The following ACTG2 variants were observed in gnomAD, a reference collection of about 807,000 sequenced individuals.
The protein encoded by ACTG2 is actin gamma 2, smooth muscle.
Under a neutral mutation model 37.6 loss-of-function variants are expected in ACTG2, and 16 were observed. The observed-to-expected ratio is 0.43, with a 90% CI of 0.29 to 0.65. The LOEUF is 0.65. Among genes scored for constraint, ACTG2 ranks in the 30% least tolerant of loss-of-function variants. ACTG2 has a pLI of 0.18. For missense variants in ACTG2, 238 were observed against 490.9 expected, an observed-to-expected ratio of 0.48 and a Z score of 4.87; for synonymous variants, 181 against 179.9, an observed-to-expected ratio of 1.01 and a Z score of -0.05.
chr2:73,902,596 C>A, intron 3 of ACTG2, 108 bp downstream of exon 3: 1 of 1,560,030 alleles, frequency 6.4e-7, no homozygotes, highest in Non-Finnish European at 8.7e-7. Flanking sequence ...TAAAATGCTT[C>A]TCACTTCTGT....
intron 3 of ACTG2, chr2:73,908,449 C>T: frequency 1.6e-6 from 1 of 629,118 alleles, no homozygotes; most frequent in Non-Finnish European, 3.0e-6. Context: ...ATAATGAACA[C>T]ATAGAAAATA....
intron 8 of ACTG2, among the ~76,000 whole-genome samples, chr2:73,918,050 G>A (rs1680308085): frequency 6.6e-6 from 1 of 152,202 alleles, no homozygotes. Context: ...CAGCCTTCAT[G>A]GAGTTTAGGA....
chr2:73,897,919 G>C (rs548913521), intron 1 of ACTG2, among the ~76,000 whole-genome samples: 2 of 152,206 alleles, frequency 1.3e-5, no homozygotes, highest in Non-Finnish European at 2.9e-5. Context: ...CATTCAAGAG[G>C]GCAGAACCCT....
rs765920521 is a variant in ACTG2, at chr2:73,914,783, G to A, written c.717G>A (p.Lys239=). ...CAGCTTCCTCTTCCTCCCTGGAGAAGAGCTATGAGCTGCCAGATGGGCAGG... is the reference window on the plus strand; with the variant it reads ...CAGCTTCCTCTTCCTCCCTGGAGAAAAGCTATGAGCTGCCAGATGGGCAGG... The part of the protein sequence containing the change: ...ATAASSSSLE[K]SYELPDGQVI... Residue 239 remains lysine, a synonymous_variant, in exon 7 of 9, where the codon AAG becomes AAA. Coordinates refer to ENST00000345517, the MANE Select transcript of ACTG2 (RefSeq NM_001615.4). 1.2e-6 allele frequency: 2 copies of A among 1,612,382 alleles called. No individual in the cohort carries two copies. Among genetic ancestry groups the A allele is most frequent in the Non-Finnish European group, 1.7e-6 (2 of 1,179,088 alleles).
At chr2:73,894,043 G>A (rs554553776) in intron 1 of ACTG2, among the ~76,000 whole-genome samples, 17 of 152,254 alleles carry the variant, frequency 1.1e-4, no homozygotes, top group African/African-American at 3.8e-4. Context: ...ATGGTGTGAG[G>A]ATTAAACGAG....
intron 1 of ACTG2, among the ~76,000 whole-genome samples, chr2:73,900,886 C>G: frequency 6.6e-6 from 1 of 152,194 alleles, no homozygotes; most frequent in East Asian, 1.9e-4. Context: ...ACTGCATCCT[C>G]CCGTGGCCTA....
At chr2:73,914,635 T>TATCA (rs772090671) in intron 6 of ACTG2, 45 bp from the exon 7 acceptor site, 1 of 1,410,902 alleles carries the variant, frequency 7.1e-7, no homozygotes, top group South Asian at 1.6e-5. Flanking sequence ...ACAACCAAAC[T>TATCA]ATCAGAGCTC....
chr2:73,913,309 A>G (rs779662159), intron 5 of ACTG2, among the ~76,000 whole-genome samples, 176 bp from the exon 6 acceptor site: 11 of 152,104 alleles, frequency 7.2e-5, no homozygotes, highest in Non-Finnish European at 1.5e-4. Context: ...CACTGGGGGG[A>G]AAAAAGTGAC....
chr2:73,908,155 C>T (rs549719194), intron 3 of ACTG2: 20 of 406,150 alleles, frequency 4.9e-5, no homozygotes, highest in South Asian at 2.7e-4. Context: ...GGTCAGGTGA[C>T]GAGGGCAGTG....
chr2:73,916,983 A>C (rs1623605), intron 8 of ACTG2, among the ~76,000 whole-genome samples: 80,106 of 152,000 alleles, frequency 0.53, 22,704 homozygotes, highest in Non-Finnish European at 0.62. Context: ...AATCCCAGGA[A>C]TGTCACATGA....
Position 73,895,386 on chromosome 2 carries a change from T to C in ACTG2, c.-37+2335T>C, listed in dbSNP as rs191850459. On this transcript the variant is annotated intron_variant, in intron 1 of 8. Transcript: ENST00000345517. ...GTTTTTAATTGAACTCATGTATATA[T>C]AGAACCTAGTGAAGATATCCTGAAG... is the stretch of plus-strand genomic sequence containing the variant. 2.6e-4 allele frequency among the ~76,000 whole-genome samples: 39 copies of C among 152,330 alleles called. No individual in the cohort carries two copies. In the East Asian group the frequency reaches 6.6e-3, roughly 26 times the overall value.
intron 3 of ACTG2, 35 bp downstream of exon 3, chr2:73,902,523 A>G (rs375008992): frequency 2.7e-4 from 443 of 1,612,942 alleles, no homozygotes; most frequent in Non-Finnish European, 3.6e-4. Flanking sequence ...AGCCTGCTTT[A>G]ATGATCACCC....
rs1283616469 is a variant in ACTG2 at position 73,901,287 on chromosome 2, C to T, written c.-25C>T. Reference sequence around the variant, plus strand: ...CCGCAAATCCCAAGGTGCTCCAGTCCCCAGCTCACTCAGCCACACACACCA... The same window carrying T: ...CCGCAAATCCCAAGGTGCTCCAGTCTCCAGCTCACTCAGCCACACACACCA... On this transcript the variant is annotated 5_prime_UTR_variant, in exon 2 of 9. Coordinates refer to ENST00000345517, the MANE Select transcript of ACTG2 (RefSeq NM_001615.4). The T allele has an allele frequency of 3.2e-6, 5 of 1,551,472 alleles. No individual in the cohort carries two copies. Among genetic ancestry groups the T allele is most frequent in the Non-Finnish European group, 3.5e-6 (4 of 1,142,654 alleles).
At chr2:73,904,777 G>GTGTGTGTGTGTATATATATATA (rs1427483105) in intron 3 of ACTG2, among the ~76,000 whole-genome samples, 4 of 42,630 alleles carry the variant, frequency 9.4e-5, no homozygotes, top group African/African-American at 3.1e-4. Flanking sequence ...GTGTGTGTGT[G>GTGTGTGTGTGTATATATATATA]TATATATATA....
At chr2:73,917,905 C>T (rs1246847984) in intron 8 of ACTG2, among the ~76,000 whole-genome samples, 5 of 152,146 alleles carry the variant, frequency 3.3e-5, no homozygotes, top group African/African-American at 9.7e-5. Flanking sequence ...CAGTATACCA[C>T]GCCTAGCCTC....
Position 73,908,202 on chromosome 2 carries a change from G to A in ACTG2, c.256-471G>A, listed in dbSNP as rs1316432353. On this transcript the variant is annotated intron_variant, in intron 3 of 8. Transcript: ENST00000345517. ...TAGTGAGAGCTTGAGCTCTGAAAGA[G>A]GGGCTGCCCAACAGGAACTGTGCTC... is the stretch of plus-strand genomic sequence containing the variant. The A allele has an allele frequency of 1.5e-5, 7 of 457,300 alleles. No homozygotes were observed. In the Admixed American group the frequency reaches 1.7e-4, roughly 11 times the overall value. 28.3% of individuals were successfully genotyped at this position (457,300 alleles called of 1,614,324 possible).
rs1461116147 is a variant in ACTG2, at chr2:73,901,415, T to A, written c.104T>A (p.Ile35Asn). 6.2e-7 allele frequency: 1 copy of A among 1,614,012 alleles called. No individual in the cohort carries two copies. The highest frequency in any genetic ancestry group is 1.3e-5 in the African/African-American group (1 of 74,926). The stretch of plus-strand genomic sequence containing the variant: ...GCCCCCCGGGCTGTCTTCCCCTCCA[T>A]TGTGGGCCGCCCTCGCCACCAGGTG... ...DDAPRAVFPS[I>N]VGRPRHQGVM... Residue 35 changes from isoleucine to asparagine, a missense_variant, in exon 2 of 9, where the codon ATT (isoleucine) becomes AAT (asparagine). Physicochemically the swap from Ile to Asn is moderately radical, Grantham distance 149. Transcript: ENST00000345517.
At chr2:73,908,174 G>C (rs1680052346) in intron 3 of ACTG2, 3 of 433,128 alleles carry the variant, frequency 6.9e-6, no homozygotes, top group African/African-American at 6.0e-5. Flanking sequence ...TGTCATTGGA[G>C]CTTAGTGAGA....
intron 5 of ACTG2, among the ~76,000 whole-genome samples, chr2:73,909,984 G>T (rs1312359755): frequency 1.3e-5 from 2 of 152,160 alleles, no homozygotes; most frequent in Non-Finnish European, 2.9e-5. Flanking sequence ...TGAGGCTGAG[G>T]TGGGCGGATC....
Sources: gnomAD v4.1 joint callset for allele counts (sites outside exome capture counted in the v4.1 genomes callset) on GRCh38, gnomAD v4.1.1 for gene constraint, MANE v1.5 for transcripts, NCBI Gene and HGNC (gene_info 2026-07-23, HGNC 2026-07-21) for gene names.